The following SREBF2 variants were observed in gnomAD, a reference collection of about 807,000 sequenced individuals.
The protein encoded by SREBF2 is sterol regulatory element-binding protein 2.
In SREBF2, 55 loss-of-function variants were observed where a neutral mutation model predicts 113.1. That is an observed-to-expected ratio of 0.49 (90% confidence interval 0.39 to 0.61). The LOEUF (loss-of-function observed/expected upper bound fraction) is 0.61, where lower values mean the gene tolerates loss of function less well. SREBF2 is among the 20% of genes least tolerant of loss of function. The pLI is 0.00. For synonymous variants in SREBF2, 593 were observed against 605.7 expected (o/e 0.98, Z 0.31); for missense variants, 1,349 against 1,487.4 (o/e 0.91, Z 1.53).
rs113181893 is a variant in SREBF2 at position 41,893,208 on chromosome 22, A to G, written c.2300A>G (p.Gln767Arg). 1.2e-6 allele frequency: 2 copies of G among 1,614,190 alleles called. No homozygotes were observed. The highest frequency in any genetic ancestry group is 8.5e-7 in the Non-Finnish European group (1 of 1,180,040). Residue 767 changes from glutamine to arginine, a missense_variant, in exon 12 of 19, where the codon CAG (glutamine) becomes CGG (arginine). By Grantham distance (43) the Gln-to-Arg change is conservative. This residue lies in a region of SREBF2 where 650 missense variants were observed against 644.1 expected (regional missense o/e 1.01). Coordinates refer to ENST00000361204, the MANE Select transcript of SREBF2 (RefSeq NM_004599.4). ...CGCTGGCTCTGCCACCCCCTGGGCC[A>G]GAAGTTTTTCATGGAGCGGAGCTGG... ...SLRWLCHPLG[Q>R]KFFMERSWSV...
In SREBF2 at chr22:41,833,387, G is replaced by T. The variant is rs537858400; in HGVS notation, c.88+29G>T. On this transcript the variant is annotated intron_variant, in intron 1 of 18. Transcript: ENST00000361204. This position sits in a 1 kb window ranked among gnomAD's most constrained non-coding sequence, Gnocchi z 4.1. ...AGTGGTGGGTGGGTGGGAGTGCGGG[G>T]GCCGCGCGGGGAGGAAGGGGTTACG... 3 of 1,480,094 alleles carry T rather than the reference G, an allele frequency of 2.0e-6. No homozygotes were observed. In the Admixed American group the frequency reaches 6.1e-5, roughly 30 times the overall value. 91.7% of individuals were successfully genotyped at this position (1,480,094 alleles called of 1,614,324 possible). A position where few individuals can be genotyped will look rare whatever the true frequency, so the allele number is the denominator to read the frequency against.
At chr22:41,884,490 AAAT>A (rs1424238846) in intron 10 of SREBF2, among the ~76,000 whole-genome samples, 1 of 152,230 alleles carries the variant, frequency 6.6e-6, no homozygotes, top group Non-Finnish European at 1.5e-5. Flanking sequence ...CATCTAAAAA[AAAT>A]TTCATTACCT....
chr22:41,902,587 G>T (rs1399041531), intron 16 of SREBF2, among the ~76,000 whole-genome samples: 1 of 152,116 alleles, frequency 6.6e-6, no homozygotes. Flanking sequence ...GTACCTTGTG[G>T]GTATCTCAGC....
At chr22:41,865,820 G>A (rs969058443) in intron 1 of SREBF2, among the ~76,000 whole-genome samples, 2 of 152,214 alleles carry the variant, frequency 1.3e-5, no homozygotes, top group Non-Finnish European at 2.9e-5. Context: ...AAGCTGGGAG[G>A]CAGAGAACTG....
intron 17 of SREBF2, 112 bp downstream of exon 17, chr22:41,903,267 C>T (rs751582976): frequency 5.2e-5 from 69 of 1,317,738 alleles, no homozygotes; most frequent in Non-Finnish European, 7.2e-5. Context: ...CTGAGGTCAG[C>T]CTGGTGACCT....
rs1026721337 is a variant in SREBF2, at chr22:41,875,746, T to C, written c.1386+22T>C. On this transcript the variant is annotated intron_variant, in intron 7 of 18. Transcript: ENST00000361204. The stretch of plus-strand genomic sequence containing the variant: ...AAAGGTACAGACTTTTGAAATCTCC[T>C]GATCCCTGGAATCTTTCCCATTTCC... 25 of 1,613,306 alleles carry C rather than the reference T, an allele frequency of 1.5e-5. No homozygotes were observed. The Admixed American group carries it at 3.3e-4, about 22-fold the overall frequency.
intron 15 of SREBF2, chr22:41,899,701 C>T (rs191350867): frequency 3.4e-5 from 19 of 554,826 alleles, no homozygotes; most frequent in South Asian, 7.1e-5. Flanking sequence ...CTCCCCCAGT[C>T]GATGTGCCTG....
intron 1 of SREBF2, among the ~76,000 whole-genome samples, chr22:41,839,135 C>T (rs2076804720): frequency 6.6e-6 from 1 of 152,062 alleles, no homozygotes; most frequent in Non-Finnish European, 1.5e-5. Context: ...TCCCTGAAGG[C>T]AGAGCAGAGG....
chr22:41,862,360 C>T (rs763742157), intron 1 of SREBF2, among the ~76,000 whole-genome samples: 7 of 152,184 alleles, frequency 4.6e-5, no homozygotes, highest in Non-Finnish European at 5.9e-5. Context: ...CCTGGGGCCT[C>T]ACCTACTTTG....
intron 15 of SREBF2, chr22:41,899,279 A>C (rs2077443626): frequency 9.4e-7 from 1 of 1,065,082 alleles, no homozygotes; most frequent in Non-Finnish European, 1.1e-6. Context: ...TTTGTCCTGT[A>C]ACTAAAATAG....
intron 1 of SREBF2, among the ~76,000 whole-genome samples, chr22:41,842,825 T>TA (rs2076841995): frequency 6.6e-6 from 1 of 152,054 alleles, no homozygotes; most frequent in African/African-American, 2.4e-5. Context: ...CTGTCTCGAC[T>TA]AAAAAATACA....
intron 13 of SREBF2, among the ~76,000 whole-genome samples, chr22:41,896,834 T>C (rs952674897): frequency 6.6e-6 from 1 of 151,858 alleles, no homozygotes; most frequent in Non-Finnish European, 1.5e-5. Flanking sequence ...AGGCCCCCAG[T>C]AGAGGGAAGA....
At position 41,905,531 on chromosome 22, in the gene SREBF2, G is replaced by T. The variant is rs201909525; in HGVS notation, c.3297G>T (p.Pro1099=). The T allele has an allele frequency of 2.5e-6, 4 of 1,587,222 alleles. No individual in the cohort carries two copies. The highest frequency in any genetic ancestry group is 3.4e-6 in the Non-Finnish European group (4 of 1,167,350). ...RHLPLSFLSS[P]GQRAVLLAEA... ...TGCCCCTCTCCTTCCTCTCCTCCCC[G>T]GGCCAGCGGGCAGTGCTGCTGGCCG... The change falls in exon 19 of 19, where the codon CCG becomes CCT. Residue 1099 remains proline, a synonymous_variant. Transcript: ENST00000361204.
chr22:41,894,586 C>T (rs963537712), intron 12 of SREBF2, among the ~76,000 whole-genome samples: 2 of 152,126 alleles, frequency 1.3e-5, no homozygotes, highest in East Asian at 1.9e-4. Context: ...CACCCTCCCC[C>T]ACACCCCCTC....
At chr22:41,871,556 T>C (rs2077141188) in intron 4 of SREBF2, among the ~76,000 whole-genome samples, 1 of 152,136 alleles carries the variant, frequency 6.6e-6, no homozygotes, top group African/African-American at 2.4e-5. Flanking sequence ...AATAAGCACA[T>C]TGTGATATAT....
chr22:41,899,152 A>G, intron 15 of SREBF2: 1 of 1,046,672 alleles, frequency 9.6e-7, no homozygotes, highest in Non-Finnish European at 1.2e-6. Context: ...CAATCAGTGC[A>G]GAGAGGCCAC....
intron 10 of SREBF2, among the ~76,000 whole-genome samples, chr22:41,882,215 TG>T (rs1983443233): frequency 1.3e-5 from 2 of 152,142 alleles, no homozygotes; most frequent in South Asian, 4.1e-4. Flanking sequence ...GGGGACTCAT[TG>T]GACTGATGGA....
intron 15 of SREBF2, chr22:41,899,645 C>A: frequency 1.1e-6 from 1 of 905,188 alleles, no homozygotes; most frequent in Non-Finnish European, 1.3e-6. Context: ...AGCACTCTGA[C>A]TAGGTAAGCA....
At chr22:41,868,366 C>A (rs1436967941) in intron 2 of SREBF2, among the ~76,000 whole-genome samples, 1 of 152,140 alleles carries the variant, frequency 6.6e-6, no homozygotes, top group African/African-American at 2.4e-5. Context: ...GATTAGCTTC[C>A]CTTTCCCCCA....
Sources: gnomAD v4.1 joint callset for allele counts (sites outside exome capture counted in the v4.1 genomes callset) on GRCh38, gnomAD v4.1.1 for gene constraint, gnomAD v4.1.1 regional missense constraint, Gnocchi (gnomAD v3.1) non-coding constraint, MANE v1.5 for transcripts, NCBI Gene and HGNC (gene_info 2026-07-23, HGNC 2026-07-21) for gene names.